HDLBP: variants seen among roughly 807,000 people sequenced by gnomAD.
HDLBP encodes high density lipoprotein binding protein, also known as vigilin.
In HDLBP, 30 loss-of-function variants were observed where a neutral mutation model predicts 137.3. The ratio of observed to expected loss-of-function variants is 0.22; its 90% CI spans 0.16 to 0.30. HDLBP has a LOEUF of 0.30. HDLBP is among the 10% of genes least tolerant of loss of function. HDLBP has a pLI of 1.00. For missense variants in HDLBP, 1,119 were observed against 1,667.3 expected, an observed-to-expected ratio of 0.67 and a Z score of 5.73; for synonymous variants, 606 against 596.0, an observed-to-expected ratio of 1.02 and a Z score of -0.24.
At position 241,236,702 on chromosome 2, in the gene HDLBP, A is replaced by C; in HGVS notation, c.2817T>G (p.Asp939Glu). 6.2e-7 allele frequency: 1 copy of C among 1,614,028 alleles called. No homozygotes were observed. The highest frequency in any genetic ancestry group is 8.5e-7 in the Non-Finnish European group (1 of 1,179,974). Reference sequence around the variant, plus strand: ...ACCTCCTTGGAGAGCCGGGGTCACAATCTTTAGCCTCTCTCCCCTCCCCAG... The same window carrying C: ...ACCTCCTTGGAGAGCCGGGGTCACACTCTTTAGCCTCTCTCCCCTCCCCAG... ...DEAGEGREAK[D>E]CDPGSPRRCD... The change falls in exon 21 of 28, where the codon GAT becomes GAG. Residue 939 changes from aspartate (D) to glutamate (E), a missense_variant. This residue lies in a region of HDLBP where 618 missense variants were observed against 816.7 expected (regional missense o/e 0.76). Coordinates refer to ENST00000310931, the MANE Select transcript of HDLBP (RefSeq NM_005336.6).
chr2:241,287,420 CTT>C lies in HDLBP; in HGVS notation c.-102-18881_-102-18880del, dbSNP rs57462994. On this transcript the variant is annotated intron_variant, in intron 1 of 27. Transcript: ENST00000310931. ...CCGCGCCCGGCCTATTTCTTTCTTT[CTT>C]TTTTTTTTTTTTTTCTGAGACAGGG... is the stretch of plus-strand genomic sequence containing the variant. 1.1e-3 allele frequency among the ~76,000 whole-genome samples: 155 copies of C among 135,358 alleles called. 2 individuals are homozygous for C. In the South Asian group the frequency reaches 0.012, roughly 10 times the overall value. 88.8% of individuals were successfully genotyped at this position (135,358 alleles called of 152,430 possible).
chr2:241,239,810 A>G lies in HDLBP; in HGVS notation c.2402T>C (p.Val801Ala), dbSNP rs919543833. Reference protein sequence around the residue: ...EALIQNLDNVVEDSMLVDPKH... With the variant: ...EALIQNLDNVAEDSMLVDPKH... ...GGGGTCCACCAGCATGGAGTCTTCC[A>G]CCACATTATCCTGCAGTGTTAAGAA... The change falls in exon 19 of 28, where the codon GTG (valine) becomes GCG (alanine). Residue 801 changes from valine (V) to alanine (A), a missense_variant. By Grantham distance (64) the Val-to-Ala change is moderately conservative. Transcript: ENST00000310931. The surrounding 1 kb of genome is among the most constrained non-coding windows in gnomAD (Gnocchi z 4.6). The G allele has an allele frequency of 1.9e-5, 30 of 1,613,728 alleles. No individual in the cohort carries two copies. The highest frequency in any genetic ancestry group is 1.9e-5 in the Non-Finnish European group (23 of 1,179,966).
In HDLBP at chr2:241,228,608, C is replaced by T. The variant is rs1471239740; in HGVS notation, c.*993G>A. The T allele has an allele frequency of 6.6e-6, 1 of 152,652 alleles. No individual in the cohort carries two copies. The highest frequency in any genetic ancestry group is 1.5e-5 in the Non-Finnish European group (1 of 68,108). The allele number at this position is 152,652 out of a possible 1,614,324, so 9.5% of individuals were successfully genotyped here. On this transcript the variant is annotated 3_prime_UTR_variant, in exon 28 of 28. Coordinates refer to ENST00000310931, the MANE Select transcript of HDLBP (RefSeq NM_005336.6). ...CCCACCCCCAGCTCCACGGGAAACCCATAACCACCAGAAACATCTCAATCA... is the reference window on the plus strand; with the variant it reads ...CCCACCCCCAGCTCCACGGGAAACCTATAACCACCAGAAACATCTCAATCA...
intron 17 of HDLBP, among the ~76,000 whole-genome samples, chr2:241,241,199 A>T (rs934104883): frequency 2.0e-5 from 3 of 152,178 alleles, no homozygotes; most frequent in African/African-American, 7.2e-5. Flanking sequence ...AAAAGACAAG[A>T]AATACAAGGC....
intron 2 of HDLBP, chr2:241,267,632 C>T: frequency 6.5e-7 from 1 of 1,535,766 alleles, no homozygotes; most frequent in African/African-American, 1.4e-5. Context: ...CCAGCGGTCT[C>T]TCTCTGCAAG....
intron 1 of HDLBP, among the ~76,000 whole-genome samples, chr2:241,314,539 G>C (rs2075926247): frequency 6.6e-6 from 1 of 152,140 alleles, no homozygotes; most frequent in Admixed American, 6.5e-5. Context: ...GGGGCAAATC[G>C]TCATGTTCCT....
rs561441619 is a variant in HDLBP at position 241,249,583 on chromosome 2, T to G, written c.1512+258A>C. On this transcript the variant is annotated intron_variant, in intron 12 of 27. Transcript: ENST00000310931. ...TACCCAGGCATCTGGGCACCCAGGG[T>G]GTGGCCAAGGCCAAGACGCTGCCAC... 7.9e-5 allele frequency among the ~76,000 whole-genome samples: 12 copies of G among 152,346 alleles called. 1 individual carries two copies. The South Asian group carries it at 2.5e-3, about 32-fold the overall frequency.
intron 4 of HDLBP, 60 bp downstream of exon 4, chr2:241,264,388 A>T (rs1236203262): frequency 4.6e-6 from 6 of 1,309,534 alleles, no homozygotes; most frequent in African/African-American, 3.0e-5. Flanking sequence ...AAAAAAATTT[A>T]AAAATTTACA....
chr2:241,278,881 C>T (rs576114836), intron 1 of HDLBP, among the ~76,000 whole-genome samples: 107 of 151,902 alleles, frequency 7.0e-4, no homozygotes, highest in Non-Finnish European at 1.3e-3. Flanking sequence ...AAATCTAAGC[C>T]GGGTGTGGTG....
At position 241,230,102 on chromosome 2, in the gene HDLBP, C is replaced by A. The variant is rs1321187626; in HGVS notation, c.3591+51G>T. ...CTGAAGCTCCTGGCTGGGCCTCAGG[C>A]CGGTGGACGTGCCAGGGCGCCTCAG... On this transcript the variant is annotated intron_variant, in intron 26 of 27. Transcript: ENST00000310931. This position sits in a 1 kb window ranked among gnomAD's most constrained non-coding sequence, Gnocchi z 5.0. The A allele has an allele frequency of 6.3e-7, 1 of 1,590,194 alleles. No individual in the cohort carries two copies. The highest frequency in any genetic ancestry group is 1.7e-5 in the Admixed American group (1 of 59,842).
Position 241,229,552 on chromosome 2 carries a change from G to C in HDLBP, c.*49C>G, listed in dbSNP as rs78125729. 1 of 1,341,144 alleles carries C rather than the reference G, an allele frequency of 7.5e-7. No homozygotes were observed. Among genetic ancestry groups the C allele is most frequent in the South Asian group, 1.2e-5 (1 of 83,608 alleles). The allele number at this position is 1,341,144 out of a possible 1,614,324, so 83.1% of individuals were successfully genotyped here. Reference sequence around the variant, plus strand: ...GTCAGATTGAGACAAACCATTGTGTGGTTGGGTTTGGGTCAGCAGGCTGGA... The same window carrying C: ...GTCAGATTGAGACAAACCATTGTGTCGTTGGGTTTGGGTCAGCAGGCTGGA... On this transcript the variant is annotated 3_prime_UTR_variant, in exon 28 of 28. Transcript: ENST00000310931.
At position 241,229,915 on chromosome 2, in the gene HDLBP, G is replaced by T. The variant is rs149149076; in HGVS notation, c.3638C>A (p.Pro1213His). The T allele has an allele frequency of 1.2e-6, 2 of 1,602,212 alleles. No homozygotes were observed. Among genetic ancestry groups the T allele is most frequent in the African/African-American group, 1.3e-5 (1 of 74,746 alleles). The stretch of plus-strand genomic sequence containing the variant: ...TGCCTTGGCCTCTTCGTGTGCTGGG[G>T]GTTTCATGTATACCTGCAGCGCCTC... ...DSEALQVYMK[P>H]PAHEEAKAPS... Residue 1213 changes from proline to histidine, a missense_variant, in exon 27 of 28, where the codon CCC becomes CAC. By Grantham distance (77) the Pro-to-His change is moderately conservative (BLOSUM62 -2). This residue lies in a region of HDLBP where 618 missense variants were observed against 816.7 expected (regional missense o/e 0.76). Coordinates refer to ENST00000310931, the MANE Select transcript of HDLBP (RefSeq NM_005336.6).
At chr2:241,297,568 G>T (rs1235089338) in intron 1 of HDLBP, among the ~76,000 whole-genome samples, 4 of 152,130 alleles carry the variant, frequency 2.6e-5, no homozygotes, top group African/African-American at 9.7e-5. Flanking sequence ...GACTGAGAGG[G>T]CCTGGGTATA....
At chr2:241,301,813 A>G (rs2075404761) in intron 1 of HDLBP, among the ~76,000 whole-genome samples, 2 of 152,080 alleles carry the variant, frequency 1.3e-5, no homozygotes, top group Non-Finnish European at 2.9e-5. Context: ...TAAGGCAAAA[A>G]GTTTCCTATT....
intron 1 of HDLBP, among the ~76,000 whole-genome samples, chr2:241,281,784 A>T (rs897227361): frequency 1.3e-5 from 2 of 152,252 alleles, no homozygotes; most frequent in Non-Finnish European, 2.9e-5. Context: ...AAATGGTAGT[A>T]TCTTACATTG....
chr2:241,266,151 A>C (rs2073657142), intron 3 of HDLBP, among the ~76,000 whole-genome samples: 1 of 152,214 alleles, frequency 6.6e-6, no homozygotes, highest in Non-Finnish European at 1.5e-5. Flanking sequence ...ATTCAAATGG[A>C]AGGAAATGTC....
chr2:241,304,945 A>G lies in HDLBP; in HGVS notation c.-103+10625T>C, dbSNP rs184630949. 8.5e-5 allele frequency among the ~76,000 whole-genome samples: 13 copies of G among 152,364 alleles called. No homozygotes were observed. In the East Asian group the frequency reaches 1.5e-3, roughly 18 times the overall value. On this transcript the variant is annotated intron_variant, in intron 1 of 27. Transcript: ENST00000310931. ...CTGTCTCTTCTCCTATAAAAAGTTG[A>G]TATTAATGCCTTTTGTGTTACCATG...
At chr2:241,311,736 A>C (rs569554780) in intron 1 of HDLBP, among the ~76,000 whole-genome samples, 1 of 152,254 alleles carries the variant, frequency 6.6e-6, no homozygotes, top group Non-Finnish European at 1.5e-5. Flanking sequence ...TATCCAGAAA[A>C]GTGAAAACAA....
intron 1 of HDLBP, among the ~76,000 whole-genome samples, chr2:241,275,422 T>C (rs1241710973): frequency 6.6e-6 from 1 of 151,870 alleles, no homozygotes; most frequent in African/African-American, 2.4e-5. Context: ...ATGAAAGAGC[T>C]AAGAACCATG....
Sources: gnomAD v4.1 joint callset for allele counts (sites outside exome capture counted in the v4.1 genomes callset) on GRCh38, gnomAD v4.1.1 for gene constraint, gnomAD v4.1.1 regional missense constraint, Gnocchi (gnomAD v3.1) non-coding constraint, MANE v1.5 for transcripts, NCBI Gene and HGNC (gene_info 2026-07-23, HGNC 2026-07-21) for gene names.